PKIG: variants seen among roughly 807,000 people sequenced by gnomAD.
The protein encoded by PKIG is cAMP-dependent protein kinase inhibitor gamma, also known as protein kinase (cAMP-dependent, catalytic) inhibitor gamma.
Under a neutral mutation model 6.8 loss-of-function variants are expected in PKIG, and 1 was observed. That is an observed-to-expected ratio of 0.15 (90% CI 0.05 to 0.69). The LOEUF is 0.69. PKIG is among the 30% of genes least tolerant of loss of function. The pLI, the probability that PKIG is intolerant of heterozygous loss-of-function variation, is 0.82. For missense variants in PKIG, 77 were observed against 104.0 expected, an observed-to-expected ratio of 0.74 and a Z score of 1.13; for synonymous variants, 39 against 43.0, an observed-to-expected ratio of 0.91 and a Z score of 0.36.
chr20:44,614,955 T>C lies in PKIG; in HGVS notation c.151+248T>C, dbSNP rs764825942. 1.3e-5 allele frequency among the ~76,000 whole-genome samples: 2 copies of C among 152,022 alleles called. No individual in the cohort carries two copies. Among genetic ancestry groups the C allele is most frequent in the African/African-American group, 2.4e-5 (1 of 41,370 alleles). ...CTGTCCCCCTGCCCCCTAGCCCAGGTCCCTCCACTTCTCGCTATCCCCACA... is the reference window on the plus strand; with the variant it reads ...CTGTCCCCCTGCCCCCTAGCCCAGGCCCCTCCACTTCTCGCTATCCCCACA... On this transcript the variant is annotated intron_variant, in intron 3 of 3. Transcript: ENST00000372886. This position sits in a 1 kb window ranked among gnomAD's most constrained non-coding sequence, Gnocchi z 4.6.
intron 1 of PKIG, among the ~76,000 whole-genome samples, chr20:44,549,572 C>T (rs887797961): frequency 2.0e-5 from 3 of 152,146 alleles, no homozygotes; most frequent in Non-Finnish European, 4.4e-5. Context: ...CACCTATAAT[C>T]GCAGCACTTT....
chr20:44,536,003 C>G (rs1040318021), intron 1 of PKIG, among the ~76,000 whole-genome samples: 6 of 152,148 alleles, frequency 3.9e-5, no homozygotes, highest in African/African-American at 1.2e-4. Flanking sequence ...ACCCATTCTA[C>G]TTTTGTTTTC....
chr20:44,544,621 A>G (rs1201896598), intron 1 of PKIG, among the ~76,000 whole-genome samples: 1 of 152,188 alleles, frequency 6.6e-6, no homozygotes, highest in African/African-American at 2.4e-5. Flanking sequence ...AGGGCAGAGG[A>G]CACCCTTTAA....
At chr20:44,583,136 C>T (rs918633538) in intron 1 of PKIG, among the ~76,000 whole-genome samples, 2 of 152,058 alleles carry the variant, frequency 1.3e-5, no homozygotes, top group Admixed American at 6.6e-5. Context: ...GAAAAGTCTC[C>T]GAAAGTAGTG....
At chr20:44,602,167 T>G (rs1296103771) in intron 2 of PKIG, among the ~76,000 whole-genome samples, 2 of 152,244 alleles carry the variant, frequency 1.3e-5, no homozygotes, top group African/African-American at 4.8e-5. Flanking sequence ...AGCTTCATTC[T>G]TTAGCACCCT....
intron 1 of PKIG, among the ~76,000 whole-genome samples, chr20:44,532,159 A>T (rs1272569174): frequency 6.6e-6 from 1 of 152,170 alleles, no homozygotes; most frequent in Non-Finnish European, 1.5e-5. Context: ...CCCCGCGTTC[A>T]GGGAGAGTCC....
chr20:44,593,789 G>A (rs140829594), intron 2 of PKIG, among the ~76,000 whole-genome samples: 12 of 152,268 alleles, frequency 7.9e-5, no homozygotes, highest in Admixed American at 2.6e-4. Flanking sequence ...GTGAGGTGGT[G>A]GATATGTTAA....
At chr20:44,604,530 TGGACTA>T (rs1052297282) in intron 2 of PKIG, among the ~76,000 whole-genome samples, 2 of 152,200 alleles carry the variant, frequency 1.3e-5, no homozygotes, top group African/African-American at 4.8e-5. Context: ...GTCAAGGTGT[TGGACTA>T]GGAGAATGTA....
rs775950636 is a variant in PKIG at position 44,616,576 on chromosome 20, C to T, written c.152-1709C>T. Among the ~76,000 whole-genome samples the T allele has an allele frequency of 2.7e-4, 41 of 152,238 alleles. 1 individual carries two copies. Among genetic ancestry groups the T allele is most frequent in the Non-Finnish European group, 5.9e-5 (4 of 68,046 alleles). On this transcript the variant is annotated intron_variant, in intron 3 of 3. Transcript: ENST00000372886. ...CTCCTAACACCTGTTTTCCCTGACT[C>T]AGATTCCCTAAAGTATGGGTCCTCT...
At chr20:44,612,740 G>A (rs531356489) in intron 2 of PKIG, among the ~76,000 whole-genome samples, 1 of 152,274 alleles carries the variant, frequency 6.6e-6, no homozygotes, top group South Asian at 2.1e-4. Flanking sequence ...AGGCAACTGG[G>A]AAATGTGTCA....
chr20:44,577,782 G>A (rs1311107124), upstream of PKIG, among the ~76,000 whole-genome samples: 3 of 152,130 alleles, frequency 2.0e-5, no homozygotes, highest in African/African-American at 7.2e-5. Flanking sequence ...GTGGGTAGTG[G>A]TGGCCAGAAT....
At chr20:44,567,852 A>G (rs931220444) in intron 1 of PKIG, among the ~76,000 whole-genome samples, 1 of 152,086 alleles carries the variant, frequency 6.6e-6, no homozygotes, top group Non-Finnish European at 1.5e-5. Context: ...TATTTTGATT[A>G]TTTCTATTAT....
At chr20:44,573,369 A>G (rs575676149) in intron 1 of PKIG, among the ~76,000 whole-genome samples, 2 of 152,372 alleles carry the variant, frequency 1.3e-5, no homozygotes, top group East Asian at 3.9e-4. Flanking sequence ...ATTATGACTA[A>G]TTTAACATTT....
chr20:44,616,290 C>T (rs967558896), intron 3 of PKIG, among the ~76,000 whole-genome samples: 7 of 152,128 alleles, frequency 4.6e-5, no homozygotes, highest in African/African-American at 1.7e-4. Flanking sequence ...GCATAATGGC[C>T]CTGCTCTAGA....
chr20:44,550,538 G>A (rs923533870), intron 1 of PKIG, among the ~76,000 whole-genome samples: 1 of 152,062 alleles, frequency 6.6e-6, no homozygotes, highest in African/African-American at 2.4e-5. Context: ...TTGAAATCTC[G>A]CAAAAATTGC....
At chr20:44,532,115 C>G (rs1447374368) in intron 1 of PKIG, 1 of 152,200 alleles carries the variant, frequency 6.6e-6, no homozygotes, top group African/African-American at 2.4e-5. Context: ...CTCAGCCGCG[C>G]CGGGGACGGC....
At chr20:44,535,546 C>T (rs1568799710) in intron 1 of PKIG, among the ~76,000 whole-genome samples, 1 of 152,132 alleles carries the variant, frequency 6.6e-6, no homozygotes, top group Non-Finnish European at 1.5e-5. Context: ...GAAACTGAGG[C>T]AGGAGATTCT....
intron 2 of PKIG, among the ~76,000 whole-genome samples, chr20:44,592,300 T>C (rs1032059392): frequency 1.3e-5 from 2 of 152,190 alleles, no homozygotes; most frequent in Non-Finnish European, 2.9e-5. Flanking sequence ...TCTGCCATTC[T>C]GCTGGTGCTC....
chr20:44,554,345 G>C (rs936436809), intron 1 of PKIG, among the ~76,000 whole-genome samples: 8 of 152,122 alleles, frequency 5.3e-5, no homozygotes, highest in Non-Finnish European at 8.8e-5. Context: ...GCCTCCCAAA[G>C]TGCTAGGATT....
Sources: allele counts gnomAD v4.1 joint callset (sites outside exome capture counted in the v4.1 genomes callset), GRCh38; gene constraint gnomAD v4.1.1; non-coding constraint Gnocchi (gnomAD v3.1); transcripts MANE v1.5; gene names NCBI Gene and HGNC (gene_info 2026-07-23, HGNC 2026-07-21).